ASIC2: variants seen among roughly 807,000 people sequenced by gnomAD.
The protein encoded by ASIC2 is acid-sensing ion channel 2.
ASIC2 carries 25 observed loss-of-function variants against 57.3 expected under a neutral mutation model. The observed-to-expected ratio is 0.44, with a 90% CI of 0.32 to 0.61. The LOEUF (loss-of-function observed/expected upper bound fraction) is 0.61. Among genes scored for constraint, ASIC2 ranks in the 20% least tolerant of loss-of-function variants. ASIC2 has a pLI of 0.06. For synonymous variants in ASIC2, 319 were observed against 307.5 expected (o/e 1.04, Z -0.39); for missense variants, 641 against 738.1 (o/e 0.87, Z 1.52).
chr17:33,956,971 T>A (rs1339198169), intron 1 of ASIC2, among the ~76,000 whole-genome samples: 2 of 152,234 alleles, frequency 1.3e-5, no homozygotes. Flanking sequence ...CACCTGGCCA[T>A]GGGCCTGGCA....
chr17:33,592,530 C>T (rs1244764728), intron 1 of ASIC2, among the ~76,000 whole-genome samples: 2 of 152,252 alleles, frequency 1.3e-5, no homozygotes, highest in African/African-American at 2.4e-5. Flanking sequence ...CATCCACTTG[C>T]ATTCAGCACT....
chr17:33,981,701 G>A (rs1285794701), intron 1 of ASIC2, among the ~76,000 whole-genome samples: 1 of 148,932 alleles, frequency 6.7e-6, no homozygotes, highest in Non-Finnish European at 1.5e-5. Context: ...GAAGGGAGGG[G>A]GGGAAGATTA....
rs562330408 is a variant in ASIC2, at chr17:33,119,989, G to T, written c.709-7922C>A. 5.3e-5 allele frequency among the ~76,000 whole-genome samples: 8 copies of T among 152,286 alleles called. No homozygotes were observed. The South Asian group carries it at 1.7e-3, about 32-fold the overall frequency. On this transcript the variant is annotated intron_variant, in intron 1 of 9. Transcript: ENST00000225823. ...TGCTTTGAACGCTCCGTCTGTTAAG[G>T]CTCACAAAGCTCTTGGAAGTAGATG... is the stretch of plus-strand genomic sequence containing the variant.
chr17:33,091,743 G>T (rs749209435), intron 2 of ASIC2, among the ~76,000 whole-genome samples: 1 of 152,236 alleles, frequency 6.6e-6, no homozygotes, highest in South Asian at 2.1e-4. Flanking sequence ...ACATCCAGTG[G>T]CTGGATGGAC....
chr17:33,754,975 A>T (rs1267202611), intron 1 of ASIC2, among the ~76,000 whole-genome samples: 3 of 150,482 alleles, frequency 2.0e-5, no homozygotes, highest in Non-Finnish European at 3.0e-5. Context: ...AAAAAAAAAA[A>T]AAAAGAACAG....
rs147571907 is a variant in ASIC2 at position 33,893,821 on chromosome 17, G to A, written c.555+262157C>T. On this transcript the variant is annotated intron_variant, in intron 1 of 9. Transcript: ENST00000359872. ...TACATATGGCATGTGCTTTGCAACA[G>A]AAGACACTCAACAAATATTCCTATT... is the stretch of plus-strand genomic sequence containing the variant. 2.1e-4 allele frequency among the ~76,000 whole-genome samples: 32 copies of A among 152,328 alleles called. 1 individual carries two copies. The East Asian group carries it at 5.0e-3, about 24-fold the overall frequency.
intron 1 of ASIC2, among the ~76,000 whole-genome samples, chr17:33,181,982 T>A (rs770496645): frequency 4.6e-5 from 7 of 152,178 alleles, no homozygotes; most frequent in Non-Finnish European, 8.8e-5. Context: ...GTGACTTTGA[T>A]GTTTAATTCA....
At chr17:33,455,999 T>C (rs10432049) in intron 1 of ASIC2, among the ~76,000 whole-genome samples, 132,986 of 152,176 alleles carry the variant, frequency 0.87, 58,365 homozygotes, top group South Asian at 0.95. Flanking sequence ...AGTCACAGAG[T>C]TTGTTAGCAG....
intron 1 of ASIC2, among the ~76,000 whole-genome samples, chr17:33,628,933 C>T (rs1906073580): frequency 1.3e-5 from 2 of 152,324 alleles, no homozygotes; most frequent in South Asian, 4.1e-4. Flanking sequence ...GTATCTGTTG[C>T]ACGTGGGAGC....
At chr17:33,496,801 A>G (rs984918569) in intron 1 of ASIC2, among the ~76,000 whole-genome samples, 14 of 151,800 alleles carry the variant, frequency 9.2e-5, no homozygotes, top group Non-Finnish European at 8.8e-5. Context: ...TATTTTTAGT[A>G]GAGACAGGGT....
chr17:33,757,906 T>C (rs1910660279), intron 1 of ASIC2, among the ~76,000 whole-genome samples: 1 of 152,240 alleles, frequency 6.6e-6, no homozygotes, highest in South Asian at 2.1e-4. Context: ...GACAGTGCTC[T>C]GGAAGATTGG....
chr17:34,084,597 A>AT (rs937947474), intron 1 of ASIC2, among the ~76,000 whole-genome samples: 90 of 152,300 alleles, frequency 5.9e-4, no homozygotes, highest in African/African-American at 2.1e-3. Flanking sequence ...TGGTTGCTTG[A>AT]TGAGGATGGC....
rs1905187167 is a variant in ASIC2 at position 33,286,327 on chromosome 17, C to T, written c.708+5081G>A. Among the ~76,000 whole-genome samples the T allele has an allele frequency of 2.0e-5, 3 of 152,298 alleles. No individual in the cohort carries two copies. The South Asian group carries it at 6.2e-4, about 32-fold the overall frequency. The stretch of plus-strand genomic sequence containing the variant: ...TAGTGAAGGGTGCAGGGAGGAGTGG[C>T]TTCTCATAGAGTTAGGAACAGGGTG... On this transcript the variant is annotated intron_variant, in intron 1 of 9. Transcript: ENST00000225823.
chr17:33,825,125 A>G (rs1912867680), intron 1 of ASIC2, among the ~76,000 whole-genome samples: 1 of 152,206 alleles, frequency 6.6e-6, no homozygotes, highest in Admixed American at 6.5e-5. Flanking sequence ...GAACTTCACT[A>G]AATTTACCAT....
intron 1 of ASIC2, among the ~76,000 whole-genome samples, chr17:33,884,157 C>T (rs945762435): frequency 1.3e-5 from 2 of 152,346 alleles, no homozygotes; most frequent in Middle Eastern, 3.4e-3. Context: ...CATCTGGGCT[C>T]TCTTGCTCTT....
At chr17:33,039,984 T>C (rs1404331917) in intron 3 of ASIC2, among the ~76,000 whole-genome samples, 1 of 152,206 alleles carries the variant, frequency 6.6e-6, no homozygotes, top group East Asian at 1.9e-4. Context: ...TCTCACTATA[T>C]CATAGTATTT....
chr17:33,361,745 C>T (rs183994224), intron 1 of ASIC2, among the ~76,000 whole-genome samples: 1 of 152,310 alleles, frequency 6.6e-6, no homozygotes, highest in East Asian at 1.9e-4. Context: ...CTCCAGTTTC[C>T]TTTCCATCAC....
In ASIC2 at chr17:33,453,482, C is replaced by T. The variant is rs143765057; in HGVS notation, c.556-341415G>A. Among the ~76,000 whole-genome samples, 4 of 152,144 alleles carry T rather than the reference C, an allele frequency of 2.6e-5. No homozygotes were observed. The South Asian group carries it at 6.2e-4, about 24-fold the overall frequency. On this transcript the variant is annotated intron_variant, in intron 1 of 9. Coordinates refer to the ASIC2 transcript ENST00000359872. ...AGGGAGGCCATGAAGGGATGTGAAG[C>T]GGAAGATGTTCTCAGAGGAAAAGAG...
intron 1 of ASIC2, among the ~76,000 whole-genome samples, chr17:33,345,043 T>C (rs1907889723): frequency 1.3e-5 from 2 of 152,160 alleles, no homozygotes; most frequent in Admixed American, 1.3e-4. Context: ...AAGCCACCAC[T>C]GGAACTCCTG....
Sources: allele counts gnomAD v4.1 joint callset (sites outside exome capture counted in the v4.1 genomes callset), GRCh38; gene constraint gnomAD v4.1.1; transcripts MANE v1.5; gene names NCBI Gene and HGNC (gene_info 2026-07-23, HGNC 2026-07-21).